The following RGS9 variants were observed in gnomAD, a reference collection of about 807,000 sequenced individuals.
RGS9 encodes regulator of G protein signaling 9, also known as regulator of G-protein signalling 9.
In RGS9, 78 loss-of-function variants were observed where a neutral mutation model predicts 102.0. The ratio of observed to expected loss-of-function variants is 0.76; its 90% confidence interval spans 0.64 to 0.92. The LOEUF is 0.92. RGS9 is among the 40% of genes least tolerant of loss of function. The probability of loss-of-function intolerance (pLI) is 0.00; values close to 1 mark genes in which losing one functional copy is unlikely to be tolerated. For synonymous variants in RGS9, 353 were observed against 318.6 expected (o/e 1.11, Z -1.15); for missense variants, 833 against 866.1 (o/e 0.96, Z 0.48).
chr17:65,205,981 A>T (rs980067117), intron 15 of RGS9, among the ~76,000 whole-genome samples: 19 of 152,212 alleles, frequency 1.2e-4, no homozygotes, highest in Admixed American at 1.2e-3. Flanking sequence ...AGGTTACATG[A>T]TGTGGGTTAT....
chr17:65,154,614 G>A (rs1046448085), intron 2 of RGS9, among the ~76,000 whole-genome samples: 1 of 152,184 alleles, frequency 6.6e-6, no homozygotes, highest in Non-Finnish European at 1.5e-5. Flanking sequence ...CAACTGCCCT[G>A]TGGGAGTGGT....
intron 9 of RGS9, chr17:65,188,730 A>C: frequency 6.1e-6 from 1 of 164,204 alleles, no homozygotes; most frequent in Non-Finnish European, 1.3e-5. Context: ...CTCTCACCTC[A>C]GCCTCCCAAG....
At chr17:65,211,387 C>T (rs534548569) in intron 17 of RGS9, among the ~76,000 whole-genome samples, 5 of 152,242 alleles carry the variant, frequency 3.3e-5, no homozygotes, top group East Asian at 1.9e-4. Flanking sequence ...AAGCGGCTTG[C>T]GGGAATGAAG....
At chr17:65,210,886 G>A (rs966987167) in intron 17 of RGS9, among the ~76,000 whole-genome samples, 3 of 152,172 alleles carry the variant, frequency 2.0e-5, no homozygotes, top group African/African-American at 7.2e-5. Context: ...GTGGGTGGGA[G>A]AGGGGATCAC....
intron 17 of RGS9, among the ~76,000 whole-genome samples, chr17:65,223,071 G>A (rs1448388082): frequency 6.6e-6 from 1 of 152,230 alleles, no homozygotes; most frequent in African/African-American, 2.4e-5. Flanking sequence ...GATAATAACA[G>A]TTGCCTCACT....
At chr17:65,219,842 TCAC>T (rs1199603722) in intron 17 of RGS9, among the ~76,000 whole-genome samples, 1 of 152,024 alleles carries the variant, frequency 6.6e-6, no homozygotes, top group African/African-American at 2.4e-5. Flanking sequence ...ATTATCACCA[TCAC>T]CACCATCACC....
intron 8 of RGS9, among the ~76,000 whole-genome samples, chr17:65,175,571 C>T (rs754011916): frequency 6.6e-6 from 1 of 152,104 alleles, no homozygotes; most frequent in African/African-American, 2.4e-5. Flanking sequence ...GCAGTGGTCT[C>T]GGGGCACACT....
intron 8 of RGS9, among the ~76,000 whole-genome samples, chr17:65,176,978 C>T (rs1911655007): frequency 6.8e-6 from 1 of 147,324 alleles, no homozygotes; most frequent in Non-Finnish European, 1.5e-5. Context: ...CCTTCCCTTC[C>T]TCCATCCATT....
chr17:65,220,834 T>A (rs987172514), intron 17 of RGS9, among the ~76,000 whole-genome samples: 1 of 152,222 alleles, frequency 6.6e-6, no homozygotes, highest in African/African-American at 2.4e-5. Context: ...TTCATGCTCC[T>A]TTACTCCCTT....
At chr17:65,218,446 G>A (rs1417209791) in intron 17 of RGS9, among the ~76,000 whole-genome samples, 2 of 152,206 alleles carry the variant, frequency 1.3e-5, no homozygotes, top group African/African-American at 2.4e-5. Context: ...GAAGCTAGAT[G>A]GTATGAGAAC....
In RGS9 at chr17:65,204,149, C is replaced by G. The variant is rs920020668; in HGVS notation, c.1065-14C>G. 10 of 1,612,174 alleles carry G rather than the reference C, an allele frequency of 6.2e-6. No individual in the cohort carries two copies. In the African/African-American group the frequency reaches 1.1e-4, roughly 17 times the overall value. Reference sequence around the variant, plus strand: ...GGTTTAGTTACTTTTGCTAACATCTCCCTCCCACCCCAGGCTGTTCCTGGC... The same window carrying G: ...GGTTTAGTTACTTTTGCTAACATCTGCCTCCCACCCCAGGCTGTTCCTGGC... On this transcript the variant is annotated splice_polypyrimidine_tract_variant and intron_variant, in intron 14 of 18. Transcript: ENST00000262406.
intron 6 of RGS9, among the ~76,000 whole-genome samples, 200 bp downstream of exon 6, chr17:65,161,109 C>T (rs1412803008): frequency 6.6e-6 from 1 of 152,214 alleles, no homozygotes; most frequent in African/African-American, 2.4e-5. Flanking sequence ...ACTTCAGTTT[C>T]TCTTGCTGTA....
chr17:65,139,661 G>A (rs895103687), intron 1 of RGS9, among the ~76,000 whole-genome samples: 2 of 152,116 alleles, frequency 1.3e-5, no homozygotes, highest in South Asian at 2.1e-4. Context: ...GTCACCCCTC[G>A]GCTGTGAAGG....
chr17:65,176,986 A>G (rs1175511248), intron 8 of RGS9, among the ~76,000 whole-genome samples: 1 of 146,042 alleles, frequency 6.8e-6, no homozygotes, highest in East Asian at 2.1e-4. Context: ...TCCTCCATCC[A>G]TTCGTACACC....
chr17:65,174,397 G>A (rs191277402), intron 8 of RGS9, among the ~76,000 whole-genome samples: 1 of 152,052 alleles, frequency 6.6e-6, no homozygotes, highest in Non-Finnish European at 1.5e-5. Context: ...GTCTGGGTGT[G>A]CATGTATGTG....
At chr17:65,186,364 C>T (rs1423343841) in intron 9 of RGS9, among the ~76,000 whole-genome samples, 3 of 148,276 alleles carry the variant, frequency 2.0e-5, no homozygotes, top group African/African-American at 7.3e-5. Context: ...TACAGGTGTT[C>T]ATCACCATGC....
chr17:65,190,378 T>C (rs1840634550), intron 11 of RGS9, 142 bp downstream of exon 11: 1 of 788,904 alleles, frequency 1.3e-6, no homozygotes, highest in African/African-American at 1.7e-5. Context: ...TCTTGGGGGC[T>C]TAGTTCCTAG....
intron 17 of RGS9, among the ~76,000 whole-genome samples, chr17:65,220,008 C>T (rs1016834454): frequency 7.0e-6 from 1 of 142,954 alleles, no homozygotes; most frequent in Non-Finnish European, 1.5e-5. Context: ...TCATCATCAC[C>T]ATCAACATCA....
chr17:65,183,093 T>TATC (rs1390074673), intron 9 of RGS9, among the ~76,000 whole-genome samples: 2 of 151,260 alleles, frequency 1.3e-5, no homozygotes, highest in African/African-American at 4.9e-5. Context: ...TCTATCTATC[T>TATC]ATCTATCTAT....
Sources: allele counts gnomAD v4.1 joint callset (sites outside exome capture counted in the v4.1 genomes callset), GRCh38; gene constraint gnomAD v4.1.1; transcripts MANE v1.5; gene names NCBI Gene and HGNC (gene_info 2026-07-23, HGNC 2026-07-21).